The following NXN variants were observed in gnomAD, a reference collection of about 807,000 sequenced individuals.
NXN encodes nucleoredoxin 1.
NXN carries 16 observed loss-of-function variants against 48.6 expected under a neutral mutation model. The ratio of observed to expected loss-of-function variants is 0.33; its 90% CI spans 0.22 to 0.50. The LOEUF (loss-of-function observed/expected upper bound fraction) is 0.50, where lower values mean the gene tolerates loss of function less well. NXN is among the 20% of genes least tolerant of loss of function. The pLI is 0.98. For missense variants in NXN, 492 were observed against 605.5 expected (o/e 0.81, Z 1.97); for synonymous variants, 281 against 269.6 (o/e 1.04, Z -0.41).
At chr17:951,174 TTAAAAAAAAAAA>T (rs1446153987) in intron 1 of NXN, among the ~76,000 whole-genome samples, 17 of 67,532 alleles carry the variant, frequency 2.5e-4, no homozygotes, top group Non-Finnish European at 3.7e-4. Context: ...CTGTCTCTAC[TTAAAAAAAAAAA>T]AAAAAAAAAA....
intron 1 of NXN, among the ~76,000 whole-genome samples, chr17:963,235 A>T (rs556158664): frequency 1.1e-4 from 17 of 150,220 alleles, no homozygotes; most frequent in African/African-American, 4.3e-4. Context: ...ACACACACAC[A>T]CACACCCCTT....
At position 954,967 on chromosome 17, in the gene NXN, C is replaced by A. The variant is rs143464400; in HGVS notation, c.360+24352G>T. Among the ~76,000 whole-genome samples the A allele has an allele frequency of 2.6e-5, 4 of 152,278 alleles. No homozygotes were observed. In the East Asian group the frequency reaches 7.7e-4, roughly 29 times the overall value. On this transcript the variant is annotated intron_variant, in intron 1 of 7. Transcript: ENST00000336868. ...TTTTCAGCCCTGGGTTACAGCCACT[C>A]GAGGCTTTCCACATAGGAGGTCTGC...
At chr17:954,006 C>T (rs1181315775) in intron 1 of NXN, among the ~76,000 whole-genome samples, 1 of 152,184 alleles carries the variant, frequency 6.6e-6, no homozygotes, top group Admixed American at 6.5e-5. Flanking sequence ...CTCTCAACTC[C>T]AAGGAGACCT....
intron 4 of NXN, 63 bp downstream of exon 4, chr17:822,294 A>AG (rs1912860094): frequency 8.1e-7 from 1 of 1,230,930 alleles, no homozygotes; most frequent in Non-Finnish European, 1.2e-6. Flanking sequence ...AAAAAAGAAA[A>AG]GAAAAAAAAT....
At chr17:939,346 T>C (rs796623212) in intron 1 of NXN, among the ~76,000 whole-genome samples, 1 of 61,008 alleles carries the variant, frequency 1.6e-5, no homozygotes, top group African/African-American at 5.6e-5. Flanking sequence ...GAAATCAGCT[T>C]TTTTTTTTTT....
At position 919,595 on chromosome 17, in the gene NXN, C is replaced by T. The variant is rs139986263; in HGVS notation, c.360+59724G>A. On this transcript the variant is annotated intron_variant, in intron 1 of 7. Coordinates refer to ENST00000336868, the MANE Select transcript of NXN (RefSeq NM_022463.5). The surrounding 1 kb of genome is among the most constrained non-coding windows in gnomAD (Gnocchi z 5.1). Reference sequence around the variant, plus strand: ...CTCGTATCGTGGGTTACAGAACCTACGTCGTCCTCGGAATCCCCGCATTCG... The same window carrying T: ...CTCGTATCGTGGGTTACAGAACCTATGTCGTCCTCGGAATCCCCGCATTCG... Among the ~76,000 whole-genome samples, 779 of 152,180 alleles carry T rather than the reference C, an allele frequency of 5.1e-3. 7 individuals carry two copies. Among genetic ancestry groups the T allele is most frequent in the Middle Eastern group, 0.01 (3 of 294 alleles).
At chr17:894,846 T>C (rs1218783849) in intron 1 of NXN, among the ~76,000 whole-genome samples, 1 of 152,122 alleles carries the variant, frequency 6.6e-6, no homozygotes, top group East Asian at 1.9e-4. Flanking sequence ...GAGATGTGAC[T>C]GCCTCAACTT....
intron 1 of NXN, among the ~76,000 whole-genome samples, chr17:957,115 G>A (rs1217139979): frequency 4.0e-5 from 6 of 149,244 alleles, no homozygotes; most frequent in African/African-American, 1.5e-4. Flanking sequence ...TGACCAGCAG[G>A]GGCCTGGCGG....
intron 4 of NXN, 68 bp downstream of exon 4, chr17:822,289 A>G (rs1912859052): frequency 8.4e-7 from 1 of 1,187,078 alleles, no homozygotes. Flanking sequence ...CAGAAAAAAA[A>G]GAAAAGAAAA....
At chr17:813,050 TGTGC>T (rs1257235713) in intron 5 of NXN, among the ~76,000 whole-genome samples, 3 of 152,338 alleles carry the variant, frequency 2.0e-5, no homozygotes, top group Admixed American at 6.5e-5. Context: ...TGAGCGTGTG[TGTGC>T]GTGTGTTCAC....
intron 1 of NXN, among the ~76,000 whole-genome samples, chr17:858,964 C>T (rs1232932405): frequency 6.6e-6 from 1 of 152,176 alleles, no homozygotes; most frequent in Admixed American, 6.6e-5. Flanking sequence ...TTTCTTGACC[C>T]TACTTTGAAG....
intron 5 of NXN, among the ~76,000 whole-genome samples, chr17:809,378 C>A (rs1911777771): frequency 6.6e-6 from 1 of 152,188 alleles, no homozygotes; most frequent in South Asian, 2.1e-4. Context: ...AGCCTAGTTG[C>A]AAGTATTTAA....
At position 885,672 on chromosome 17, in the gene NXN, C is replaced by CTTTTTTTTT. The variant is rs532225883; in HGVS notation, c.361-59603_361-59595dup. Among the ~76,000 whole-genome samples the CTTTTTTTTT allele has an allele frequency of 4.5e-3, 376 of 83,712 alleles. 24 individuals carry two copies. The highest frequency in any genetic ancestry group is 6.3e-3 in the Non-Finnish European group (300 of 47,516). The allele number at this position is 83,712 out of a possible 152,430, so 54.9% of individuals were successfully genotyped here. On this transcript the variant is annotated intron_variant, in intron 1 of 7. Transcript: ENST00000336868. ...GCCCACCTGGGGGCTGCGGTACTCG[C>CTTTTTTTTT]TTTTTTTTTTTTTTTTTTTTTTTTT... is the stretch of plus-strand genomic sequence containing the variant.
chr17:839,805 A>AAAAAAAAAAAAAAAAAAAAAAAAAG (rs1567826433), intron 1 of NXN, among the ~76,000 whole-genome samples: 2 of 142,926 alleles, frequency 1.4e-5, no homozygotes, highest in African/African-American at 2.7e-5. Context: ...GTTAAAAAAA[A>AAAAAAAAAAAAAAAAAAAAAAAAAG]AAAAAAAAAG....
chr17:979,426 GCCGCCGCGGCTCGGGCT>G lies in NXN; in HGVS notation c.236_252del (p.Glu79AlafsTer73). ...GAGGACACGAAGACGATCTCCAGGC[GCCGCCGCGGCTCGGGCT>G]CCGCCGCCGCCCCGGCCCCCGCTCC... On this transcript the variant is annotated frameshift_variant, in exon 1 of 8. Transcript: ENST00000336868. LOFTEE classifies it high-confidence loss of function. 1 of 1,339,986 alleles carries G rather than the reference GCCGCCGCGGCTCGGGCT, an allele frequency of 7.5e-7. No homozygotes were observed. The highest frequency in any genetic ancestry group is 9.7e-7 in the Non-Finnish European group (1 of 1,031,610). 83.0% of individuals were successfully genotyped at this position (1,339,986 alleles called of 1,614,324 possible). A position where few individuals can be genotyped will look rare whatever the true frequency, so the allele number is the denominator to read the frequency against.
intron 1 of NXN, chr17:842,424 C>T (rs369636031): frequency 1.7e-5 from 12 of 727,232 alleles, no homozygotes; most frequent in African/African-American, 5.8e-5. Flanking sequence ...AGCCCGGGTC[C>T]GGCTGTGGGC....
At chr17:814,994 G>A (rs1401910220) in intron 5 of NXN, among the ~76,000 whole-genome samples, 1 of 152,178 alleles carries the variant, frequency 6.6e-6, no homozygotes, top group African/African-American at 2.4e-5. Flanking sequence ...TCGAACTCCT[G>A]ACCTCAGGTG....
chr17:913,564 A>T (rs576951995), intron 1 of NXN, among the ~76,000 whole-genome samples: 92 of 152,222 alleles, frequency 6.0e-4, no homozygotes, highest in African/African-American at 2.1e-3. Flanking sequence ...AACAGAGACC[A>T]AAGGAAAAGA....
intron 1 of NXN, among the ~76,000 whole-genome samples, chr17:918,349 AGC>A (rs1418289676): frequency 0.022 from 3,308 of 152,178 alleles, 130 homozygotes; most frequent in African/African-American, 0.075. Context: ...AAATGGGAGG[AGC>A]GCACGATCCA....
Sources: gnomAD v4.1 joint callset for allele counts (sites outside exome capture counted in the v4.1 genomes callset) on GRCh38, gnomAD v4.1.1 for gene constraint, Gnocchi (gnomAD v3.1) non-coding constraint, MANE v1.5 for transcripts, NCBI Gene and HGNC (gene_info 2026-07-23, HGNC 2026-07-21) for gene names.